SMURF1: variants seen among roughly 807,000 people sequenced by gnomAD.
SMURF1 encodes E3 ubiquitin-protein ligase SMURF1.
In SMURF1, 44 loss-of-function variants were observed where a neutral mutation model predicts 98.0. The observed-to-expected ratio is 0.45, with a 90% CI of 0.35 to 0.58. The LOEUF (loss-of-function observed/expected upper bound fraction) is 0.58. Among genes scored for constraint, SMURF1 ranks in the 20% least tolerant of loss-of-function variants. SMURF1 has a pLI of 0.00. For missense variants in SMURF1, 687 were observed against 938.4 expected, an observed-to-expected ratio of 0.73 and a Z score of 3.50; for synonymous variants, 396 against 374.9, an observed-to-expected ratio of 1.06 and a Z score of -0.65.
chr7:99,081,868 G>T (rs1358195668), intron 1 of SMURF1, among the ~76,000 whole-genome samples: 1 of 152,206 alleles, frequency 6.6e-6, no homozygotes, highest in Admixed American at 6.5e-5. Flanking sequence ...GGCCAGGCTG[G>T]TCTCGAACTC....
rs1423530800 is a variant in SMURF1 at position 99,141,916 on chromosome 7, CG to C, written c.55+1809del. Among the ~76,000 whole-genome samples the C allele has an allele frequency of 2.0e-5, 3 of 152,096 alleles. No homozygotes were observed. In the East Asian group the frequency reaches 5.8e-4, roughly 29 times the overall value. On this transcript the variant is annotated intron_variant, in intron 1 of 17. Transcript: ENST00000361368. ...GAAAAATCCAGGGGAAAATCCCTGA[CG>C]GGGATTAGAATGAACTTTTTAGTTT... is the stretch of plus-strand genomic sequence containing the variant.
chr7:99,057,085 C>T (rs1427596243), intron 5 of SMURF1, 120 bp downstream of exon 5: 14 of 934,856 alleles, frequency 1.5e-5, no homozygotes, highest in East Asian at 2.4e-5. Flanking sequence ...AGGCCCCGTA[C>T]GTGGTCTGTC....
chr7:99,034,516 G>C (rs1221185977), intron 16 of SMURF1, among the ~76,000 whole-genome samples: 1 of 152,006 alleles, frequency 6.6e-6, no homozygotes, highest in South Asian at 2.1e-4. Flanking sequence ...TCCTCGGGGG[G>C]ATAATAAATC....
Position 99,029,277 on chromosome 7 carries a change from CCTG to C in SMURF1, c.*1304_*1306del, listed in dbSNP as rs1188144554. 5 of 152,658 alleles carry C rather than the reference CCTG, an allele frequency of 3.3e-5. No homozygotes were observed. The highest frequency in any genetic ancestry group is 1.2e-4 in the African/African-American group (5 of 41,452). 9.5% of individuals were successfully genotyped at this position (152,658 alleles called of 1,614,324 possible). A position where few individuals can be genotyped will look rare whatever the true frequency, so the allele number is the denominator to read the frequency against. On this transcript the variant is annotated 3_prime_UTR_variant, in exon 18 of 18. Coordinates refer to ENST00000361368, the MANE Select transcript of SMURF1 (RefSeq NM_181349.3). Reference sequence around the variant, plus strand: ...CAAAGAAACCACATAGGAACATTGGCCTGCTGTTTTCTGCCCAAGTTCAGCTAT... The same window carrying C: ...CAAAGAAACCACATAGGAACATTGGCCTGTTTTCTGCCCAAGTTCAGCTAT...
intron 1 of SMURF1, among the ~76,000 whole-genome samples, chr7:99,084,150 C>G (rs1796628653): frequency 6.6e-6 from 1 of 152,234 alleles, no homozygotes; most frequent in Non-Finnish European, 1.5e-5. Flanking sequence ...TGCTCAAATC[C>G]TATCTCCTCT....
chr7:99,088,812 C>G (rs1235632661), intron 1 of SMURF1, among the ~76,000 whole-genome samples: 1 of 152,150 alleles, frequency 6.6e-6, no homozygotes, highest in Non-Finnish European at 1.5e-5. Context: ...TGCCTGTAAT[C>G]CCAGCACTTT....
intron 1 of SMURF1, among the ~76,000 whole-genome samples, chr7:99,078,401 T>C: frequency 6.6e-6 from 1 of 152,174 alleles, no homozygotes; most frequent in East Asian, 1.9e-4. Context: ...GTGGACTGCC[T>C]CTTCTTTGCT....
At chr7:99,106,706 G>A (rs1300590450) in intron 1 of SMURF1, among the ~76,000 whole-genome samples, 1 of 152,162 alleles carries the variant, frequency 6.6e-6, no homozygotes, top group Non-Finnish European at 1.5e-5. Context: ...GAGCCTGGGA[G>A]TTCAAATCCA....
Position 99,033,084 on chromosome 7 carries a change from G to A in SMURF1, c.2049C>T (p.Ile683=). Residue 683 remains isoleucine, a synonymous_variant, in exon 17 of 18, where the codon ATC becomes ATT. Transcript: ENST00000361368. ...TGAAGPRLFT[I]HLIDANTDNL... is the part of the protein sequence containing the mutation. ...TGTCTGTGTTCGCGTCTATCAGGTG[G>A]ATGGTGAACAGCCGGGGCCCTGCCG... is the stretch of plus-strand genomic sequence containing the variant. 1 of 1,591,860 alleles carries A rather than the reference G, an allele frequency of 6.3e-7. No homozygotes were observed. The highest frequency in any genetic ancestry group is 8.6e-7 in the Non-Finnish European group (1 of 1,168,420).
chr7:99,054,719 G>T, intron 6 of SMURF1, 71 bp downstream of exon 6: 2 of 1,332,390 alleles, frequency 1.5e-6, no homozygotes, highest in Non-Finnish European at 1.1e-6. Flanking sequence ...GGAGGGAAGG[G>T]CGCTTTCCTA....
chr7:99,133,904 G>A (rs924126858), intron 1 of SMURF1, among the ~76,000 whole-genome samples: 7 of 152,176 alleles, frequency 4.6e-5, no homozygotes, highest in South Asian at 2.1e-4. Context: ...CCAGTTGCAT[G>A]CAGTAAGATT....
intron 1 of SMURF1, among the ~76,000 whole-genome samples, chr7:99,070,767 G>A (rs559399311): frequency 1.4e-4 from 21 of 152,026 alleles, no homozygotes; most frequent in Admixed American, 1.0e-3. Flanking sequence ...AGAAATTAGC[G>A]CTTGATCAAT....
At chr7:99,142,507 A>T (rs1019150890) in intron 1 of SMURF1, among the ~76,000 whole-genome samples, 2 of 150,782 alleles carry the variant, frequency 1.3e-5, no homozygotes, top group Non-Finnish European at 2.9e-5. Context: ...AGGATTGAGG[A>T]ATTTCAGGCT....
chr7:99,061,867 G>A, intron 1 of SMURF1, 30 bp from the exon 2 acceptor site: 1 of 1,543,412 alleles, frequency 6.5e-7, no homozygotes, highest in Non-Finnish European at 8.8e-7. Flanking sequence ...ACTCAGGTTA[G>A]CATTAAAGAC....
chr7:99,135,712 C>T (rs1797976627), intron 1 of SMURF1, among the ~76,000 whole-genome samples: 1 of 152,216 alleles, frequency 6.6e-6, no homozygotes, highest in South Asian at 2.1e-4. Context: ...ATTTTACACA[C>T]CGGACTTTAC....
chr7:99,060,573 T>C, intron 3 of SMURF1, 26 bp downstream of exon 3: 1 of 1,555,640 alleles, frequency 6.4e-7, no homozygotes, highest in Non-Finnish European at 8.9e-7. Flanking sequence ...CCGCTCCGCA[T>C]GGGGCTTACA....
chr7:99,092,279 A>G (rs1408634798), intron 1 of SMURF1, among the ~76,000 whole-genome samples: 1 of 152,208 alleles, frequency 6.6e-6, no homozygotes, highest in Non-Finnish European at 1.5e-5. Context: ...TGTCATATTT[A>G]TACCCATTTT....
intron 1 of SMURF1, among the ~76,000 whole-genome samples, chr7:99,142,419 G>A (rs1798143307): frequency 6.6e-6 from 1 of 151,868 alleles, no homozygotes; most frequent in South Asian, 2.1e-4. Context: ...TAAGAGACAG[G>A]AAGTGGCCCA....
intron 1 of SMURF1, among the ~76,000 whole-genome samples, chr7:99,138,608 A>C (rs1388408543): frequency 6.6e-6 from 1 of 152,216 alleles, no homozygotes; most frequent in African/African-American, 2.4e-5. Context: ...TGACAGATGG[A>C]CTTGAAGTTA....
Sources: allele counts gnomAD v4.1 joint callset (sites outside exome capture counted in the v4.1 genomes callset), GRCh38; gene constraint gnomAD v4.1.1; transcripts MANE v1.5; gene names NCBI Gene and HGNC (gene_info 2026-07-23, HGNC 2026-07-21).